Variants in TMIGD1 observed in about 807,000 individuals in gnomAD.
TMIGD1 encodes transmembrane and immunoglobulin domain-containing protein 1.
In TMIGD1, 29 loss-of-function variants were observed where a neutral mutation model predicts 27.5. That is an observed-to-expected ratio of 1.05 (90% confidence interval 0.78 to 1.44). The LOEUF is 1.44. TMIGD1 is among the 40% of genes most tolerant of loss of function. TMIGD1 has a pLI of 0.00. For missense variants in TMIGD1, 334 were observed against 310.6 expected (o/e 1.08, Z -0.57); for synonymous variants, 109 against 110.3 (o/e 0.99, Z 0.07).
Position 30,318,828 on chromosome 17 carries a change from T to C in TMIGD1, c.726A>G (p.Arg242=). ...FLTLCFGLIA[R]RKKIMKLCMK... ...TAGATACCTTCATTATTTTCTTTCT[T>C]CTAGCAATCAGTCCAAAGCACAATG... Residue 242 remains arginine (R), a synonymous_variant, in exon 5 of 7, where the codon AGA becomes AGG. Coordinates refer to ENST00000328886, the MANE Select transcript of TMIGD1 (RefSeq NM_206832.3). 1 of 1,613,122 alleles carries C rather than the reference T, an allele frequency of 6.2e-7. No individual in the cohort carries two copies. The highest frequency in any genetic ancestry group is 8.5e-7 in the Non-Finnish European group (1 of 1,179,220).
chr17:30,328,770 A>G (rs901629963), intron 3 of TMIGD1, among the ~76,000 whole-genome samples: 1 of 152,112 alleles, frequency 6.6e-6, no homozygotes, highest in Non-Finnish European at 1.5e-5. Context: ...AGCCTGGCCA[A>G]CATGGTGAAC....
In TMIGD1 at chr17:30,329,335, T is replaced by C. The variant is rs751958337; in HGVS notation, c.277A>G (p.Ser93Gly). The change falls in exon 3 of 7, where the codon AGT (serine) becomes GGT (glycine). Residue 93 changes from serine to glycine, a missense_variant. By Grantham distance (56) the Ser-to-Gly change is moderately conservative. Transcript: ENST00000328886. ...AAGCTGATTCCGTTGTCATTTTCACTGATGGAAGAGACACAGACAGAGCTG... is the reference window on the plus strand; with the variant it reads ...AAGCTGATTCCGTTGTCATTTTCACCGATGGAAGAGACACAGACAGAGCTG... ...NSSSVCVSSI[S>G]ENDNGISFTC... 2 of 1,614,028 alleles carry C rather than the reference T, an allele frequency of 1.2e-6. No homozygotes were observed. The highest frequency in any genetic ancestry group is 1.7e-5 in the Admixed American group (1 of 59,996).
intron 4 of TMIGD1, among the ~76,000 whole-genome samples, chr17:30,319,261 A>ATATATATATATAT (rs1555600534): frequency 1.4e-5 from 1 of 69,044 alleles, no homozygotes; most frequent in African/African-American, 9.1e-5. Flanking sequence ...AAAAAAAAAA[A>ATATATATATATAT]ATATATATAT....
intron 2 of TMIGD1, among the ~76,000 whole-genome samples, chr17:30,331,401 C>CA (rs1282704762): frequency 1.3e-5 from 2 of 151,456 alleles, no homozygotes; most frequent in Non-Finnish European, 2.9e-5. Flanking sequence ...GGTAGGAGAG[C>CA]AAATGCTGGA....
At chr17:30,317,931 G>A (rs1267642659) in intron 5 of TMIGD1, among the ~76,000 whole-genome samples, 2 of 151,932 alleles carry the variant, frequency 1.3e-5, no homozygotes, top group Non-Finnish European at 2.9e-5. Flanking sequence ...AGCCGGGCAC[G>A]GTGGTGCATG....
At chr17:30,324,549 T>C (rs1033907541) in intron 4 of TMIGD1, among the ~76,000 whole-genome samples, 8 of 152,172 alleles carry the variant, frequency 5.3e-5, no homozygotes. Context: ...TACTCTTCCC[T>C]AAAAGCCAAG....
intron 4 of TMIGD1, among the ~76,000 whole-genome samples, chr17:30,319,261 A>AAAAAAAAAATATAT: frequency 2.9e-5 from 2 of 69,068 alleles, no homozygotes; most frequent in African/African-American, 9.1e-5. Context: ...AAAAAAAAAA[A>AAAAAAAAAATATAT]ATATATATAT....
At chr17:30,332,451 T>TA in intron 1 of TMIGD1, among the ~76,000 whole-genome samples, 1 of 152,338 alleles carries the variant, frequency 6.6e-6, no homozygotes, top group African/African-American at 2.4e-5. Context: ...GAGAAACTGA[T>TA]AGAATTTCAT....
chr17:30,328,839 C>G (rs7215157), intron 3 of TMIGD1, among the ~76,000 whole-genome samples: 32,444 of 151,432 alleles, frequency 0.21, 4,447 homozygotes, highest in Admixed American at 0.3. Flanking sequence ...TAGTGGGCAC[C>G]TGCAGTCCCA....
chr17:30,330,464 T>C (rs1438243348), intron 2 of TMIGD1, among the ~76,000 whole-genome samples: 2 of 152,160 alleles, frequency 1.3e-5, no homozygotes, highest in East Asian at 3.8e-4. Flanking sequence ...AGGCAGAATA[T>C]AAATTAAAGC....
intron 3 of TMIGD1, among the ~76,000 whole-genome samples, chr17:30,328,968 CAA>C (rs34701131): frequency 5.8e-5 from 5 of 86,928 alleles, no homozygotes; most frequent in Admixed American, 1.3e-4. Context: ...GACTCTGTCT[CAA>C]AAAAAAAAAA....
At chr17:30,331,083 T>C (rs1378645439) in intron 2 of TMIGD1, among the ~76,000 whole-genome samples, 3 of 152,046 alleles carry the variant, frequency 2.0e-5, no homozygotes, top group Non-Finnish European at 4.4e-5. Flanking sequence ...TAATCCCAGC[T>C]ACTCGGGAGG....
chr17:30,327,620 C>A (rs1413902196), intron 3 of TMIGD1, among the ~76,000 whole-genome samples: 1 of 151,204 alleles, frequency 6.6e-6, no homozygotes, highest in Non-Finnish European at 1.5e-5. Context: ...AATGCAGTGG[C>A]GCAATCACAG....
chr17:30,317,072 TCTC>T, intron 6 of TMIGD1, 118 bp downstream of exon 6: 1 of 1,190,032 alleles, frequency 8.4e-7, no homozygotes, highest in South Asian at 1.2e-5. Context: ...CACCTTCTAT[TCTC>T]CTTTGAACCC....
At chr17:30,316,720 G>C (rs772538202) in intron 6 of TMIGD1, 30 bp from the exon 7 acceptor site, 5 of 1,607,936 alleles carry the variant, frequency 3.1e-6, no homozygotes, top group East Asian at 2.2e-5. Flanking sequence ...TAATAATAAT[G>C]ATGCTCATAG....
chr17:30,326,467 A>T (rs1444466471), intron 3 of TMIGD1, among the ~76,000 whole-genome samples: 1 of 152,164 alleles, frequency 6.6e-6, no homozygotes, highest in Non-Finnish European at 1.5e-5. Context: ...ACCCATAGGA[A>T]ATATATCATA....
In TMIGD1 at chr17:30,319,261, A is replaced by AAAAAAAAATATATAT; in HGVS notation, c.641-349_641-348insATATATATTTTTTTT. 5.6e-4 allele frequency among the ~76,000 whole-genome samples: 39 copies of AAAAAAAAATATATAT among 69,038 alleles called. 1 individual carries two copies. Among genetic ancestry groups the AAAAAAAAATATATAT allele is most frequent in the African/African-American group, 2.8e-3 (31 of 11,028 alleles). The allele number at this position is 69,038 out of a possible 152,430, so 45.3% of individuals were successfully genotyped here. A position where few individuals can be genotyped will look rare whatever the true frequency, so the allele number is the denominator to read the frequency against. On this transcript the variant is annotated intron_variant, in intron 4 of 6. Transcript: ENST00000328886. ...TGTAAAAAAAAAAGAAAAAAAAAAA[A>AAAAAAAAATATATAT]ATATATATATATATATAGCTGGGCA... is the stretch of plus-strand genomic sequence containing the variant.
At chr17:30,331,967 G>A in intron 2 of TMIGD1, 85 bp downstream of exon 2, 2 of 829,306 alleles carry the variant, frequency 2.4e-6, no homozygotes, top group Non-Finnish European at 4.0e-6. Context: ...TGGAATTTAA[G>A]GATATATCCA....
rs146305227 is a variant in TMIGD1 at position 30,324,775 on chromosome 17, A to C, written c.640+41T>G. On this transcript the variant is annotated intron_variant, in intron 4 of 6. Coordinates refer to ENST00000328886, the MANE Select transcript of TMIGD1 (RefSeq NM_206832.3). Reference sequence around the variant, plus strand: ...AAATATTCACTGAGCATCTGGTGTGAGTTTTGCACTGTGCTGGGTATTACT... The same window carrying C: ...AAATATTCACTGAGCATCTGGTGTGCGTTTTGCACTGTGCTGGGTATTACT... 51 of 1,582,786 alleles carry C rather than the reference A, an allele frequency of 3.2e-5. No homozygotes were observed. The African/African-American group carries it at 6.5e-4, about 20-fold the overall frequency.
Sources: gnomAD v4.1 joint callset for allele counts (sites outside exome capture counted in the v4.1 genomes callset) on GRCh38, gnomAD v4.1.1 for gene constraint, MANE v1.5 for transcripts, NCBI Gene and HGNC (gene_info 2026-07-23, HGNC 2026-07-21) for gene names.